Variants in SSR4 observed in about 807,000 individuals in gnomAD.
SSR4 encodes the protein signal sequence receptor subunit 4, also known as translocon-associated protein subunit delta.
For synonymous variants in SSR4, 84 were observed against 65.6 expected, an observed-to-expected ratio of 1.28 and a Z score of -1.35; for missense variants, 125 against 148.8, an observed-to-expected ratio of 0.84 and a Z score of 0.83.
intron 2 of SSR4, 30 bp downstream of exon 2, chrX:153,796,582 C>T (rs374665034): frequency 3.0e-5 from 23 of 778,919 alleles, no homozygotes; most frequent in African/African-American, 1.4e-4. Flanking sequence ...GACAGGAGGG[C>T]GGGTGGGGGG....
At chrX:153,796,258 C>T in intron 1 of SSR4, 176 bp from the exon 2 acceptor site, 1 of 432,911 alleles carries the variant, frequency 2.3e-6, no homozygotes, top group Non-Finnish European at 4.0e-6. Context: ...GCCTACGTTG[C>T]CATTGCATTT....
upstream of SSR4, chrX:153,794,411 G>C: frequency 8.8e-7 from 1 of 1,139,595 alleles, no homozygotes; most frequent in Non-Finnish European, 1.2e-6. Context: ...TTCGGGGACA[G>C]GCGCGGACCC....
chrX:153,796,700 C>G (rs1557072628), intron 2 of SSR4, 148 bp downstream of exon 2: 2 of 490,441 alleles, frequency 4.1e-6, no homozygotes, highest in East Asian at 3.4e-5. Context: ...CAGATCCTAG[C>G]CAGTGTTGAC....
chrX:153,797,599 G>T, intron 3 of SSR4, 67 bp downstream of exon 3: 1 of 1,142,116 alleles, frequency 8.8e-7, no homozygotes, highest in Non-Finnish European at 1.2e-6. Flanking sequence ...AGCCCCAGGG[G>T]TGGCCGGTCA....
At chrX:153,797,574 C>T in intron 3 of SSR4, 42 bp downstream of exon 3, 1 of 1,168,482 alleles carries the variant, frequency 8.6e-7, no homozygotes, top group South Asian at 1.8e-5. Flanking sequence ...CTCCCTGCTC[C>T]CGGGTGTGAC....
intron 1 of SSR4, 152 bp from the exon 2 acceptor site, chrX:153,796,282 T>C: frequency 2.2e-6 from 1 of 446,259 alleles, no homozygotes; most frequent in East Asian, 3.7e-5. Flanking sequence ...ACCGAGCACT[T>C]GGATCTGTCT....
At chrX:153,798,031 C>T in intron 4 of SSR4, 40 bp from the exon 5 acceptor site, 1 of 1,029,972 alleles carries the variant, frequency 9.7e-7, no homozygotes, top group Non-Finnish European at 1.4e-6. Context: ...ACACGCCAGG[C>T]ACCCCTGACC....
intron 2 of SSR4, 21 bp downstream of exon 2, chrX:153,796,573 A>C: frequency 9.1e-7 from 1 of 1,101,808 alleles, no homozygotes; most frequent in Non-Finnish European, 1.3e-6. Context: ...GGGGTTTCAG[A>C]CAGGAGGGCG....
rs190881075 is a variant in SSR4 at position 153,795,691 on chromosome X, A to G, written c.68-743A>G. The stretch of plus-strand genomic sequence containing the variant: ...TCTGCCTCCTGTGGTCCAGACCCAG[A>G]GCCTTCTCTGACGTCCTCTGCTGAA... On this transcript the variant is annotated intron_variant, in intron 1 of 5. Coordinates refer to ENST00000370086, the MANE Select transcript of SSR4 (RefSeq NM_006280.3). 128 of 753,598 alleles carry G rather than the reference A, an allele frequency of 1.7e-4. 2 individuals carry two copies. In the East Asian group the frequency reaches 0.017, roughly 100 times the overall value. 62.1% of individuals were successfully genotyped at this position (753,598 alleles called of 1,213,427 possible).
At chrX:153,796,682 G>A (rs1353588687) in intron 2 of SSR4, 130 bp downstream of exon 2, 5 of 525,753 alleles carry the variant, frequency 9.5e-6, no homozygotes, top group Admixed American at 5.1e-5. Flanking sequence ...ATCAGGGCAC[G>A]GTGATGCCAG....
exon 6 of SSR4, chrX:153,798,475 TCACAGGACCTGGGACTG>T (rs1448001439): frequency 2.7e-6 from 3 of 1,103,225 alleles, no homozygotes; most frequent in Non-Finnish European, 3.7e-6. Context: ...TCAATAAACA[TCACAGGACCTGGGACTG>T]CACAGGACCT....
chrX:153,797,804 T>G lies in SSR4; in HGVS notation c.341T>G (p.Leu114Arg). 2 of 1,201,073 alleles carry G rather than the reference T, an allele frequency of 1.7e-6. No homozygotes were observed. Among genetic ancestry groups the G allele is most frequent in the Non-Finnish European group, 2.2e-6 (2 of 889,005 alleles). Reference protein sequence around the residue: ...VRFFDEESYSLLRKAQRNNED... With the variant: ...VRFFDEESYSRLRKAQRNNED... The stretch of plus-strand genomic sequence containing the variant: ...TTCTTCGACGAGGAGTCCTACAGCC[T>G]CCTCAGGAAGGTGAGGACTCCTGTA... The change falls in exon 4 of 6, where the codon CTC becomes CGC. Residue 114 changes from leucine to arginine, a missense_variant. Leu to Arg is a moderately radical substitution (Grantham distance 102). Transcript: ENST00000370086.
chrX:153,797,373 G>A, intron 2 of SSR4, 85 bp from the exon 3 acceptor site: 2 of 893,220 alleles, frequency 2.2e-6, no homozygotes, highest in Non-Finnish European at 3.3e-6. Flanking sequence ...CTGCCCACCT[G>A]CAGGCCGTGT....
At chrX:153,796,698 A>G in intron 2 of SSR4, 146 bp downstream of exon 2, 1 of 500,189 alleles carries the variant, frequency 2.0e-6, no homozygotes, top group African/African-American at 2.3e-5. Flanking sequence ...GCCAGATCCT[A>G]GCCAGTGTTG....
At chrX:153,794,968 G>A (rs781915877) in intron 1 of SSR4, 220 of 451,018 alleles carry the variant, frequency 4.9e-4, no homozygotes, top group Non-Finnish European at 7.1e-4. Flanking sequence ...CATACGAAGA[G>A]GAGTCCCCGA....
chrX:153,794,514 G>C, upstream of SSR4: 5 of 1,162,093 alleles, frequency 4.3e-6, no homozygotes, highest in Non-Finnish European at 5.8e-6. Context: ...ACCGCGACCA[G>C]CTGGGCCCCT....
At chrX:153,796,689 C>G in intron 2 of SSR4, 137 bp downstream of exon 2, 1 of 513,571 alleles carries the variant, frequency 1.9e-6, no homozygotes, top group Non-Finnish European at 3.4e-6. Context: ...CACGGTGATG[C>G]CAGATCCTAG....
chrX:153,795,751 C>T (rs2092136226), intron 1 of SSR4: 1 of 754,991 alleles, frequency 1.3e-6, no homozygotes, highest in Non-Finnish European at 1.6e-6. Context: ...ATTTGGACAG[C>T]GGGTGGCTGA....
Position 153,798,324 on chromosome X carries a change from T to A in SSR4, c.418-5T>A. The A allele has an allele frequency of 9.1e-6, 11 of 1,206,204 alleles. No individual in the cohort carries two copies. Among genetic ancestry groups the A allele is most frequent in the Non-Finnish European group, 1.2e-5 (11 of 892,448 alleles). On this transcript the variant is annotated splice_region_variant and splice_polypyrimidine_tract_variant and intron_variant, in intron 5 of 5. Transcript: ENST00000370086. ...TGAGCTGGCTTGTGATCTCCTTTTT[T>A]TCAGGGCACTTGGAACGGGCCCTGG...
Sources: gnomAD v4.1 joint callset for allele counts on GRCh38, gnomAD v4.1.1 for gene constraint, MANE v1.5 for transcripts, NCBI Gene and HGNC (gene_info 2026-07-23, HGNC 2026-07-21) for gene names.